The following TRPS1 variants were observed in gnomAD, a reference collection of about 807,000 sequenced individuals.
The protein encoded by TRPS1 is transcriptional repressor GATA binding 1, also known as zinc finger transcription factor Trps1.
Under a neutral mutation model 101.2 loss-of-function variants are expected in TRPS1, and 6 were observed. The observed-to-expected ratio is 0.06, with a 90% CI of 0.03 to 0.12. The LOEUF (loss-of-function observed/expected upper bound fraction) is 0.12. TRPS1 is among the 10% of genes least tolerant of loss of function. The pLI is 1.00. For missense variants in TRPS1, 1,363 were observed against 1,567.0 expected, an observed-to-expected ratio of 0.87 and a Z score of 2.20; for synonymous variants, 578 against 589.8, an observed-to-expected ratio of 0.98 and a Z score of 0.29.
At chr8:115,510,196 C>A (rs1815548118) in intron 5 of TRPS1, among the ~76,000 whole-genome samples, 3 of 151,934 alleles carry the variant, frequency 2.0e-5, no homozygotes, top group African/African-American at 7.2e-5. Context: ...CGTACATATC[C>A]TAAGTAACAG....
intron 1 of TRPS1, chr8:115,637,250 C>T: frequency 4.1e-6 from 4 of 985,292 alleles, no homozygotes; most frequent in Non-Finnish European, 4.8e-6. Flanking sequence ...GACGTGGTTG[C>T]CAAGGTTAAT....
chr8:115,478,569 C>G (rs555965510), intron 5 of TRPS1, among the ~76,000 whole-genome samples: 1 of 151,860 alleles, frequency 6.6e-6, no homozygotes, highest in Non-Finnish European at 1.5e-5. Context: ...TTTGGGAGGT[C>G]GAGGCAGGTG....
chr8:115,580,488 T>C (rs1817420889), intron 5 of TRPS1, among the ~76,000 whole-genome samples: 1 of 152,100 alleles, frequency 6.6e-6, no homozygotes, highest in African/African-American at 2.4e-5. Context: ...ACCTTCTGTA[T>C]ACTCTTCACT....
intron 5 of TRPS1, among the ~76,000 whole-genome samples, chr8:115,513,615 A>G (rs1051059134): frequency 6.6e-6 from 1 of 151,698 alleles, no homozygotes; most frequent in East Asian, 1.9e-4. Context: ...CCATTCATTT[A>G]CTTATTGTGT....
At chr8:115,668,178 A>G in intron 1 of TRPS1, 1 of 538,818 alleles carries the variant, frequency 1.9e-6, no homozygotes, top group Admixed American at 3.4e-5. Flanking sequence ...GCTGGTTTCC[A>G]AAGCTCAGAT....
At chr8:115,586,049 G>A (rs1817554175) in intron 5 of TRPS1, among the ~76,000 whole-genome samples, 1 of 152,140 alleles carries the variant, frequency 6.6e-6, no homozygotes, top group African/African-American at 2.4e-5. Context: ...ATGACCCGCA[G>A]GTCAAAGCAC....
rs117310743 is a variant in TRPS1, at chr8:115,530,509, C to T, written c.2700+56492G>A. On this transcript the variant is annotated intron_variant, in intron 5 of 6. Transcript: ENST00000395715. ...AATCCACCCTGATTGAACTTAGATA[C>T]GTGTGCAAACCAGTGTGAAAACATG... Among the ~76,000 whole-genome samples, 154 of 152,186 alleles carry T rather than the reference C, an allele frequency of 1.0e-3. 1 individual carries two copies. Among genetic ancestry groups the T allele is most frequent in the Non-Finnish European group, 1.6e-3 (111 of 68,010 alleles).
chr8:115,442,454 G>A (rs1392957285), intron 5 of TRPS1, among the ~76,000 whole-genome samples: 5 of 91,824 alleles, frequency 5.4e-5, no homozygotes, highest in Non-Finnish European at 8.8e-5. Context: ...GCAATAAATA[G>A]GGGGCTGCAC....
At chr8:115,554,000 A>C (rs1816761445) in intron 5 of TRPS1, among the ~76,000 whole-genome samples, 1 of 152,156 alleles carries the variant, frequency 6.6e-6, no homozygotes, top group Non-Finnish European at 1.5e-5. Flanking sequence ...ACTTTTTTCC[A>C]AAAATTCTTA....
At chr8:115,625,232 G>A (rs190854381) in intron 1 of TRPS1, among the ~76,000 whole-genome samples, 44 of 151,874 alleles carry the variant, frequency 2.9e-4, no homozygotes, top group African/African-American at 9.4e-4. Context: ...AGTAAAAATC[G>A]TATGGAAATT....
rs1811594731 is a variant in TRPS1, at chr8:115,652,943, G to A, written c.-122+15602C>T. On this transcript the variant is annotated intron_variant, in intron 1 of 6. Transcript: ENST00000395715. ...TTAAGTGTATACTGATTTATCAGGA[G>A]GGCAAATCCCTTAAGAGGTGGAAAT... 2.0e-5 allele frequency among the ~76,000 whole-genome samples: 3 copies of A among 152,136 alleles called. No homozygotes were observed. The South Asian group carries it at 6.2e-4, about 31-fold the overall frequency.
intron 5 of TRPS1, among the ~76,000 whole-genome samples, chr8:115,441,698 A>C (rs1813596747): frequency 6.6e-6 from 1 of 151,794 alleles, no homozygotes; most frequent in Admixed American, 6.7e-5. Flanking sequence ...ATTTATTTGC[A>C]TCGCAGGCAC....
intron 1 of TRPS1, among the ~76,000 whole-genome samples, chr8:115,629,743 G>A (rs1269562473): frequency 6.6e-6 from 1 of 151,808 alleles, no homozygotes; most frequent in Admixed American, 6.6e-5. Context: ...GTTACAATCA[G>A]TAGTTCTCAA....
rs971485506 is a variant in TRPS1 at position 115,604,904 on chromosome 8, A to G, written c.1065T>C (p.Tyr355=). The G allele has an allele frequency of 2.6e-5, 42 of 1,613,992 alleles. No individual in the cohort carries two copies. The highest frequency in any genetic ancestry group is 3.2e-5 in the Non-Finnish European group (38 of 1,179,982). Residue 355 remains tyrosine, a synonymous_variant, in exon 4 of 7, where the codon TAT becomes TAC. Coordinates refer to ENST00000395715, the MANE Select transcript of TRPS1 (RefSeq NM_014112.5). The surrounding 1 kb of genome is among the most constrained non-coding windows in gnomAD (Gnocchi z 4.1). ...YFRCKFCNFT[Y]MGNSSTELEQ... ...CTAATTCGGTGGATGAGTTGCCCAT[A>G]TAAGTGAAATTGCAGAATTTACAGC... is the stretch of plus-strand genomic sequence containing the variant.
chr8:115,409,600 G>T lies in TRPS1; in HGVS notation c.*4423C>A, dbSNP rs1207816504. ...TTCTAAGCAACTGCAGCACTATCAG[G>T]AACATGTGAGCCCACTGTCTATGAA... On this transcript the variant is annotated 3_prime_UTR_variant, in exon 7 of 7. Coordinates refer to ENST00000395715, the MANE Select transcript of TRPS1 (RefSeq NM_014112.5). 1 of 152,046 alleles carries T rather than the reference G, an allele frequency of 6.6e-6. No individual in the cohort carries two copies. The highest frequency in any genetic ancestry group is 1.5e-5 in the Non-Finnish European group (1 of 67,994). The allele number at this position is 152,046 out of a possible 1,614,324, so 9.4% of individuals were successfully genotyped here. A position where few individuals can be genotyped will look rare whatever the true frequency, so the allele number is the denominator to read the frequency against.
At chr8:115,489,730 T>G (rs1262041578) in intron 5 of TRPS1, among the ~76,000 whole-genome samples, 1 of 152,156 alleles carries the variant, frequency 6.6e-6, no homozygotes, top group Non-Finnish European at 1.5e-5. Context: ...CCTATTAGCA[T>G]GAATTTGGCT....
chr8:115,575,375 C>A (rs1817294685), intron 5 of TRPS1, among the ~76,000 whole-genome samples: 1 of 151,972 alleles, frequency 6.6e-6, no homozygotes, highest in African/African-American at 2.4e-5. Flanking sequence ...ACATACAAAT[C>A]TATGTTTGCA....
intron 1 of TRPS1, among the ~76,000 whole-genome samples, chr8:115,661,379 C>T (rs997416000): frequency 3.3e-5 from 5 of 151,976 alleles, no homozygotes; most frequent in Admixed American, 6.6e-5. Context: ...TAAGTATTAT[C>T]GGTCTACATA....
chr8:115,467,789 C>G (rs1228839127), intron 5 of TRPS1, among the ~76,000 whole-genome samples: 1 of 152,180 alleles, frequency 6.6e-6, no homozygotes, highest in Non-Finnish European at 1.5e-5. Flanking sequence ...CCCCACACTT[C>G]TAGTACACCT....
Sources: gnomAD v4.1 joint callset for allele counts (sites outside exome capture counted in the v4.1 genomes callset) on GRCh38, gnomAD v4.1.1 for gene constraint, Gnocchi (gnomAD v3.1) non-coding constraint, MANE v1.5 for transcripts, NCBI Gene and HGNC (gene_info 2026-07-23, HGNC 2026-07-21) for gene names.